Variants in GRIK4 observed in about 807,000 individuals in gnomAD.
GRIK4 encodes the protein glutamate receptor ionotropic, kainate 4.
A neutral mutation model predicts 104.9 loss-of-function variants in GRIK4; 40 were observed. That is an observed-to-expected ratio of 0.38 (90% CI 0.30 to 0.50). The LOEUF is 0.50. GRIK4 is among the 20% of genes least tolerant of loss of function. The probability of loss-of-function intolerance (pLI) is 0.93; values close to 1 mark genes in which losing one functional copy is unlikely to be tolerated. For synonymous variants in GRIK4, 485 were observed against 524.9 expected (o/e 0.92, Z 1.04); for missense variants, 1,047 against 1,308.1 (o/e 0.80, Z 3.08).
chr11:120,943,908 G>A (rs1461461025), intron 14 of GRIK4, among the ~76,000 whole-genome samples: 4 of 152,182 alleles, frequency 2.6e-5, no homozygotes, highest in East Asian at 1.9e-4. Flanking sequence ...ACTTTCCAGC[G>A]ATCCAAGATT....
intron 16 of GRIK4, among the ~76,000 whole-genome samples, chr11:120,957,709 A>G (rs950172961): frequency 2.0e-5 from 3 of 151,660 alleles, no homozygotes; most frequent in African/African-American, 7.3e-5. Context: ...CATAGCATAC[A>G]GGACTTACGA....
At position 120,940,330 on chromosome 11, in the gene GRIK4, G is replaced by T. The variant is rs778818030; in HGVS notation, c.1477-17G>T. 6.5e-7 allele frequency: 1 copy of T among 1,545,424 alleles called. No homozygotes were observed. The highest frequency in any genetic ancestry group is 8.9e-7 in the Non-Finnish European group (1 of 1,119,040). On this transcript the variant is annotated splice_polypyrimidine_tract_variant and intron_variant, in intron 13 of 20. Transcript: ENST00000527524. The surrounding 1 kb of genome is among the most constrained non-coding windows in gnomAD (Gnocchi z 4.3). ...CCTATGGCCACCCCACTGACGGGCTGTCTCTGTTCTTTTCAGAAAGCAGAT... is the reference window on the plus strand; with the variant it reads ...CCTATGGCCACCCCACTGACGGGCTTTCTCTGTTCTTTTCAGAAAGCAGAT...
In GRIK4 at chr11:120,874,053, C is replaced by T. The variant is rs370203533; in HGVS notation, c.907-13C>T. On this transcript the variant is annotated splice_polypyrimidine_tract_variant and intron_variant, in intron 9 of 20. Transcript: ENST00000527524. ...TCACTCCCTCCCTCCGCCTGCTCCC[C>T]GGCCTCTCCCAGCTCTCCTCGGCCC... 73 of 1,593,672 alleles carry T rather than the reference C, an allele frequency of 4.6e-5. 1 individual carries two copies. The highest frequency in any genetic ancestry group is 4.0e-4 in the African/African-American group (30 of 74,716).
At chr11:120,859,647 C>T (rs1954207848) in intron 8 of GRIK4, among the ~76,000 whole-genome samples, 1 of 152,224 alleles carries the variant, frequency 6.6e-6, no homozygotes, top group Non-Finnish European at 1.5e-5. Flanking sequence ...TCTGGCTCTG[C>T]CCCAGTCCCT....
chr11:120,903,971 CCTT>C lies in GRIK4; in HGVS notation c.1273-1318_1273-1316del, dbSNP rs1368435818. Reference sequence around the variant, plus strand: ...ATCCTCTATCTTCCAATTTCCTCCTCCTTGACGCTAAGATCATGTTCCCCTGAT... The same window carrying C: ...ATCCTCTATCTTCCAATTTCCTCCTCGACGCTAAGATCATGTTCCCCTGAT... On this transcript the variant is annotated intron_variant, in intron 12 of 20. Transcript: ENST00000527524. The surrounding 1 kb of genome is among the most constrained non-coding windows in gnomAD (Gnocchi z 4.4). Among the ~76,000 whole-genome samples the C allele has an allele frequency of 6.6e-6, 1 of 152,206 alleles. No individual in the cohort carries two copies. Among genetic ancestry groups the C allele is most frequent in the Non-Finnish European group, 1.5e-5 (1 of 68,042 alleles).
At position 120,797,735 on chromosome 11, in the gene GRIK4, T is replaced by C. The variant is rs527886738; in HGVS notation, c.83-4958T>C. On this transcript the variant is annotated intron_variant, in intron 3 of 20. Transcript: ENST00000527524. The stretch of plus-strand genomic sequence containing the variant: ...GTAGAGAGGACAGGATTTTAGATGT[T>C]AGTGAGTTGGCAATGACCTGCCTAA... 6.6e-5 allele frequency among the ~76,000 whole-genome samples: 10 copies of C among 152,276 alleles called. No individual in the cohort carries two copies. In the South Asian group the frequency reaches 1.9e-3, roughly 29 times the overall value.
intron 7 of GRIK4, among the ~76,000 whole-genome samples, chr11:120,834,835 C>T (rs1024303561): frequency 1.3e-5 from 2 of 152,232 alleles, no homozygotes; most frequent in African/African-American, 4.8e-5. Flanking sequence ...TCTAGGACAG[C>T]AGATTTCACA....
rs752554782 is a variant in GRIK4 at position 120,831,911 on chromosome 11, G to T, written c.571G>T (p.Val191Phe). 3.0e-5 allele frequency: 49 copies of T among 1,613,720 alleles called. No individual in the cohort carries two copies. The Admixed American group carries it at 6.8e-4, about 23-fold the overall frequency. ...QFLISKDTLS[V>F]RMLDDTRDPT... is the part of the protein sequence containing the mutation. ...CCTTATCTCCAAGGACACGCTGTCC[G>T]TCCGCATGCTGGATGACACCCGGGA... The change falls in exon 7 of 21, where the codon GTC (valine) becomes TTC (phenylalanine). Residue 191 changes from valine to phenylalanine, a missense_variant. This residue lies in a region of GRIK4 where 447 missense variants were observed against 514.9 expected (regional missense o/e 0.87). Transcript: ENST00000527524.
At chr11:120,797,581 G>A (rs905241031) in intron 3 of GRIK4, among the ~76,000 whole-genome samples, 3 of 152,120 alleles carry the variant, frequency 2.0e-5, no homozygotes, top group African/African-American at 4.8e-5. Context: ...ACCTGTTGTC[G>A]TCCTAGTTAT....
At chr11:120,769,074 C>G (rs547450076) in intron 3 of GRIK4, among the ~76,000 whole-genome samples, 1 of 152,220 alleles carries the variant, frequency 6.6e-6, no homozygotes, top group African/African-American at 2.4e-5. Context: ...GACGTATTCC[C>G]TCTAGCTGTA....
chr11:120,810,910 G>T (rs1156875961), intron 4 of GRIK4, among the ~76,000 whole-genome samples: 1 of 152,196 alleles, frequency 6.6e-6, no homozygotes, highest in Admixed American at 6.5e-5. Context: ...ACACACTGTA[G>T]TTTGTTGCCT....
intron 3 of GRIK4, among the ~76,000 whole-genome samples, chr11:120,718,195 C>T (rs1392671126): frequency 6.6e-6 from 1 of 152,040 alleles, no homozygotes; most frequent in Non-Finnish European, 1.5e-5. Flanking sequence ...AGGACTCAGC[C>T]CTGGAGTTCC....
chr11:120,579,428 T>G (rs1005165002), intron 1 of GRIK4, among the ~76,000 whole-genome samples: 22 of 151,944 alleles, frequency 1.4e-4, no homozygotes, highest in African/African-American at 5.3e-4. Flanking sequence ...TTCGAGAGAA[T>G]GGACAGATGG....
chr11:120,726,111 C>A (rs925540661), intron 3 of GRIK4, among the ~76,000 whole-genome samples: 1 of 152,136 alleles, frequency 6.6e-6, no homozygotes, highest in Non-Finnish European at 1.5e-5. Flanking sequence ...AGGACAAGTG[C>A]CCTGAGATGG....
intron 8 of GRIK4, among the ~76,000 whole-genome samples, chr11:120,850,797 A>ATTATTATTG (rs1009677477): frequency 9.1e-5 from 1 of 11,038 alleles, no homozygotes; most frequent in African/African-American, 1.0e-3. Flanking sequence ...GGCAAATCAC[A>ATTATTATTG]TTATTATTAT....
intron 3 of GRIK4, among the ~76,000 whole-genome samples, chr11:120,715,409 A>C (rs1381148557): frequency 6.6e-6 from 1 of 152,144 alleles, no homozygotes; most frequent in Admixed American, 6.5e-5. Context: ...CAAAAAAACA[A>C]AGTAAAACGA....
intron 3 of GRIK4, among the ~76,000 whole-genome samples, chr11:120,712,055 T>C (rs533618377): frequency 6.6e-6 from 1 of 152,386 alleles, no homozygotes; most frequent in Non-Finnish European, 1.5e-5. Context: ...ACAAGGTCGC[T>C]GCTTCACGCA....
chr11:120,626,401 A>G (rs1949259116), intron 1 of GRIK4, among the ~76,000 whole-genome samples: 1 of 152,134 alleles, frequency 6.6e-6, no homozygotes, highest in South Asian at 2.1e-4. Flanking sequence ...CTGGCTCGGC[A>G]CACTTTATTG....
chr11:120,520,971 G>A lies in GRIK4; in HGVS notation c.-159+9084G>A, dbSNP rs1947790929. Among the ~76,000 whole-genome samples, 3 of 152,192 alleles carry A rather than the reference G, an allele frequency of 2.0e-5. No homozygotes were observed. The South Asian group carries it at 6.2e-4, about 32-fold the overall frequency. ...AATTAAAGAAGACAAAAGTGGGTTT[G>A]GGCGGGGCACGGGATATGCAGAAGA... On this transcript the variant is annotated intron_variant, in intron 1 of 20. Coordinates refer to ENST00000527524, the MANE Select transcript of GRIK4 (RefSeq NM_014619.5).
Sources: gnomAD v4.1 joint callset for allele counts (sites outside exome capture counted in the v4.1 genomes callset) on GRCh38, gnomAD v4.1.1 for gene constraint, gnomAD v4.1.1 regional missense constraint, Gnocchi (gnomAD v3.1) non-coding constraint, MANE v1.5 for transcripts, NCBI Gene and HGNC (gene_info 2026-07-23, HGNC 2026-07-21) for gene names.